The following MCTP1 variants were observed in gnomAD, a reference collection of about 807,000 sequenced individuals.
MCTP1 encodes multiple C2 and transmembrane domain-containing protein 1.
In MCTP1, 69 loss-of-function variants were observed where a neutral mutation model predicts 120.6. The ratio of observed to expected loss-of-function variants is 0.57; its 90% CI spans 0.47 to 0.70. MCTP1 has a LOEUF of 0.70. MCTP1 is among the 30% of genes least tolerant of loss of function. The pLI is 0.00. For synonymous variants in MCTP1, 529 were observed against 493.1 expected (o/e 1.07, Z -0.96); for missense variants, 1,203 against 1,248.8 (o/e 0.96, Z 0.55).
intron 1 of MCTP1, among the ~76,000 whole-genome samples, chr5:95,081,181 A>G (rs570513275): frequency 6.6e-6 from 1 of 152,186 alleles, no homozygotes; most frequent in Non-Finnish European, 1.5e-5. Context: ...AGCTACCACA[A>G]TGTTTCCATT....
intron 17 of MCTP1, among the ~76,000 whole-genome samples, chr5:94,858,742 C>T (rs1238005583): frequency 6.6e-6 from 1 of 151,694 alleles, no homozygotes; most frequent in Admixed American, 6.6e-5. Flanking sequence ...ACCTCCATTC[C>T]AGTTGTACCA....
At chr5:94,770,270 A>C (rs1193919134) in intron 19 of MCTP1, among the ~76,000 whole-genome samples, 1 of 152,216 alleles carries the variant, frequency 6.6e-6, no homozygotes, top group Non-Finnish European at 1.5e-5. Flanking sequence ...GTCTATTTCT[A>C]TGAATGTTGT....
chr5:94,943,882 C>T (rs1015050636), intron 3 of MCTP1, among the ~76,000 whole-genome samples: 1 of 151,940 alleles, frequency 6.6e-6, no homozygotes, highest in African/African-American at 2.4e-5. Context: ...TTGAGCATAA[C>T]CAGATAAATC....
At chr5:95,133,907 T>C (rs768434076) in intron 1 of MCTP1, among the ~76,000 whole-genome samples, 1 of 152,232 alleles carries the variant, frequency 6.6e-6, no homozygotes, top group Non-Finnish European at 1.5e-5. Flanking sequence ...GAAGAATTTT[T>C]CTGCTTCCTA....
chr5:95,097,736 G>A (rs10060248), intron 1 of MCTP1, among the ~76,000 whole-genome samples: 61 of 152,304 alleles, frequency 4.0e-4, no homozygotes, highest in African/African-American at 1.4e-3. Context: ...GGATGAAGGT[G>A]TGGTAAGATT....
At chr5:95,150,564 C>A (rs1760796116) in intron 1 of MCTP1, among the ~76,000 whole-genome samples, 1 of 152,098 alleles carries the variant, frequency 6.6e-6, no homozygotes. Flanking sequence ...TTAACAACAA[C>A]AAAAAATCCA....
intron 1 of MCTP1, among the ~76,000 whole-genome samples, chr5:95,259,067 T>C (rs796349640): frequency 2.0e-5 from 3 of 152,206 alleles, no homozygotes; most frequent in Non-Finnish European, 2.9e-5. Context: ...TCAGCACCTG[T>C]GTCTTTGTGT....
chr5:94,906,341 C>A (rs1806907406), intron 10 of MCTP1, among the ~76,000 whole-genome samples: 1 of 152,058 alleles, frequency 6.6e-6, no homozygotes, highest in South Asian at 2.1e-4. Context: ...CAAAAATTAG[C>A]CGGGCATGGT....
intron 1 of MCTP1, among the ~76,000 whole-genome samples, chr5:95,252,490 G>A (rs1044575016): frequency 2.6e-5 from 4 of 152,124 alleles, no homozygotes. Flanking sequence ...TAAAGAATGT[G>A]CAATTACAAG....
chr5:95,191,412 G>A (rs1285220083), intron 1 of MCTP1, among the ~76,000 whole-genome samples: 2 of 152,006 alleles, frequency 1.3e-5, no homozygotes, highest in Non-Finnish European at 2.9e-5. Context: ...AAGTATGACA[G>A]TATATTACAA....
intron 19 of MCTP1, among the ~76,000 whole-genome samples, chr5:94,726,177 C>T (rs866686642): frequency 3.3e-5 from 5 of 152,320 alleles, no homozygotes; most frequent in Middle Eastern, 3.4e-3. Context: ...AATTTGTGCT[C>T]ACTCTCCTTG....
chr5:94,947,098 T>G (rs1294794257), intron 3 of MCTP1, among the ~76,000 whole-genome samples: 1 of 152,180 alleles, frequency 6.6e-6, no homozygotes, highest in African/African-American at 2.4e-5. Context: ...TTTTGTTGCC[T>G]AGGCATTTTG....
At chr5:94,864,967 A>G (rs1796524141) in intron 17 of MCTP1, among the ~76,000 whole-genome samples, 1 of 151,964 alleles carries the variant, frequency 6.6e-6, no homozygotes, top group South Asian at 2.1e-4. Context: ...TTCCATGTCT[A>G]CAATAGATGA....
At chr5:95,253,565 C>T (rs993016538) in intron 1 of MCTP1, among the ~76,000 whole-genome samples, 3 of 151,818 alleles carry the variant, frequency 2.0e-5, no homozygotes, top group African/African-American at 4.8e-5. Context: ...TGCTCTTTCC[C>T]GATGAAAATG....
At chr5:95,074,422 G>C (rs1753034522) in intron 1 of MCTP1, among the ~76,000 whole-genome samples, 1 of 152,110 alleles carries the variant, frequency 6.6e-6, no homozygotes, top group South Asian at 2.1e-4. Context: ...TGATGACAAA[G>C]GTATAATTAA....
chr5:95,082,199 C>A (rs1755026441), intron 1 of MCTP1, among the ~76,000 whole-genome samples: 1 of 152,152 alleles, frequency 6.6e-6, no homozygotes, highest in Non-Finnish European at 1.5e-5. Flanking sequence ...GCTGTCATTA[C>A]CTTGTGCTTC....
chr5:95,127,785 T>C (rs138974053), intron 1 of MCTP1, among the ~76,000 whole-genome samples: 86 of 152,228 alleles, frequency 5.6e-4, no homozygotes, highest in African/African-American at 2.0e-3. Flanking sequence ...AAACCTCAAA[T>C]TGAAAATAAC....
intron 1 of MCTP1, among the ~76,000 whole-genome samples, chr5:95,200,818 A>C (rs553119363): frequency 6.6e-6 from 1 of 152,340 alleles, no homozygotes; most frequent in East Asian, 1.9e-4. Flanking sequence ...ACAAAAACTG[A>C]TGCGTATGTG....
At chr5:95,267,532 G>C (rs1051730450) in intron 1 of MCTP1, among the ~76,000 whole-genome samples, 2 of 152,116 alleles carry the variant, frequency 1.3e-5, no homozygotes, top group Non-Finnish European at 2.9e-5. Flanking sequence ...TCATCCTCTA[G>C]GTATTTCTAT....
Sources: allele counts gnomAD v4.1 joint callset (sites outside exome capture counted in the v4.1 genomes callset), GRCh38; gene constraint gnomAD v4.1.1; transcripts MANE v1.5; gene names NCBI Gene and HGNC (gene_info 2026-07-23, HGNC 2026-07-21).